The following RANBP2 variants were observed in gnomAD, a reference collection of about 807,000 sequenced individuals.
RANBP2 encodes the protein RAN binding protein 2.
Under a neutral mutation model 303.6 loss-of-function variants are expected in RANBP2, and 57 were observed. That is an observed-to-expected ratio of 0.19 (90% CI 0.15 to 0.23). RANBP2 has a LOEUF of 0.23. RANBP2 is among the 10% of genes least tolerant of loss of function. The pLI, the probability that RANBP2 is intolerant of heterozygous loss-of-function variation, is 1.00. For missense variants in RANBP2, 3,138 were observed against 3,780.8 expected, an observed-to-expected ratio of 0.83 and a Z score of 4.46; for synonymous variants, 1,167 against 1,301.5, an observed-to-expected ratio of 0.90 and a Z score of 2.23.
At chr2:109,060,456 C>G in the RANBP2 span, among the ~76,000 whole-genome samples, 1 of 152,206 alleles carries the variant, frequency 6.6e-6, no homozygotes. Context: ...TTTTACTAAA[C>G]TGGGGAGGGG....
At chr2:109,078,118 A>ATG in the RANBP2 span, among the ~76,000 whole-genome samples, 183 of 45,350 alleles carry the variant, frequency 4.0e-3, 7 homozygotes, top group Non-Finnish European at 5.2e-3. Flanking sequence ...ATATATATAT[A>ATG]GCGTGTATAT....
chr2:109,027,984 T>C, the RANBP2 span, among the ~76,000 whole-genome samples: 1 of 152,178 alleles, frequency 6.6e-6, no homozygotes, highest in Non-Finnish European at 1.5e-5. Flanking sequence ...TTTAAAAACA[T>C]ACTGGCAGGG....
At chr2:109,306,926 A>G in the RANBP2 span, among the ~76,000 whole-genome samples, 1,294 of 152,284 alleles carry the variant, frequency 8.5e-3, 15 homozygotes, top group African/African-American at 0.03. Flanking sequence ...GCCCGTGTGG[A>G]TGGCTGATGG....
chr2:108,812,749 T>C, the RANBP2 span: 1 of 1,610,426 alleles, frequency 6.2e-7, no homozygotes, highest in Middle Eastern at 1.7e-4. Context: ...AGTATGTTTT[T>C]AGATGATTAC....
the RANBP2 span, among the ~76,000 whole-genome samples, chr2:109,487,870 T>G: frequency 2.0e-5 from 3 of 152,194 alleles, no homozygotes; most frequent in African/African-American, 7.2e-5. Flanking sequence ...CTCAGCACCG[T>G]GCTAGGCGCT....
At chr2:109,087,467 A>G in the RANBP2 span, among the ~76,000 whole-genome samples, 5 of 152,030 alleles carry the variant, frequency 3.3e-5, no homozygotes, top group African/African-American at 1.2e-4. Context: ...CTTGTTCCTA[A>G]CTCTGAGCGC....
the RANBP2 span, among the ~76,000 whole-genome samples, chr2:109,593,394 TAGAG>T: frequency 2.7e-5 from 4 of 147,828 alleles, no homozygotes; most frequent in Non-Finnish European, 4.4e-5. Flanking sequence ...CATTTACAAG[TAGAG>T]AGAGAAAGAA....
chr2:109,662,547 A>ATTTTATAT, the RANBP2 span, among the ~76,000 whole-genome samples: 2 of 151,762 alleles, frequency 1.3e-5, no homozygotes, highest in Non-Finnish European at 2.9e-5. Context: ...GCCTGGCTAA[A>ATTTTATAT]TTTTATATTT....
the RANBP2 span, among the ~76,000 whole-genome samples, chr2:108,991,625 A>G: frequency 4.6e-5 from 7 of 152,354 alleles, no homozygotes; most frequent in South Asian, 1.0e-3. Context: ...GGGGCACAAC[A>G]GGCAGGCTGG....
chr2:109,693,958 A>G, the RANBP2 span, among the ~76,000 whole-genome samples: 10 of 152,294 alleles, frequency 6.6e-5, no homozygotes, highest in Non-Finnish European at 1.3e-4. Flanking sequence ...TTTAATTTGT[A>G]AAAAATGTAA....
chr2:109,724,848 G>T, the RANBP2 span, among the ~76,000 whole-genome samples: 1 of 152,150 alleles, frequency 6.6e-6, no homozygotes, highest in Non-Finnish European at 1.5e-5. Context: ...CCAAAAGTAG[G>T]GAGGGCACGG....
the RANBP2 span, among the ~76,000 whole-genome samples, chr2:109,512,024 A>G: frequency 1.1e-3 from 173 of 152,306 alleles, no homozygotes; most frequent in African/African-American, 3.4e-3. Flanking sequence ...GCTGAGTGCC[A>G]GACCCATCTC....
chr2:108,888,121 T>C, the RANBP2 span, among the ~76,000 whole-genome samples: 1 of 152,184 alleles, frequency 6.6e-6, no homozygotes, highest in Admixed American at 6.5e-5. Flanking sequence ...GTTGAGATGA[T>C]CATATGGTTT....
chr2:108,931,362 G>T, the RANBP2 span, among the ~76,000 whole-genome samples: 2 of 152,220 alleles, frequency 1.3e-5, no homozygotes, highest in Non-Finnish European at 2.9e-5. Flanking sequence ...TGAGCTTTAA[G>T]TCTGGAGTCC....
At chr2:109,693,055 T>C in the RANBP2 span, among the ~76,000 whole-genome samples, 1 of 152,118 alleles carries the variant, frequency 6.6e-6, no homozygotes, top group Non-Finnish European at 1.5e-5. Flanking sequence ...CACAGAGACC[T>C]TAAGACTGCT....
chr2:109,394,539 C>T, the RANBP2 span, among the ~76,000 whole-genome samples: 11 of 152,148 alleles, frequency 7.2e-5, no homozygotes, highest in South Asian at 1.5e-3. Context: ...ATAAAGTTAC[C>T]GAGATGTTTA....
the RANBP2 span, chr2:109,565,664 A>G: frequency 3.8e-6 from 4 of 1,050,960 alleles, no homozygotes; most frequent in Non-Finnish European, 5.9e-6. Context: ...CTGACAACCA[A>G]TCACATCCAA....
the RANBP2 span, among the ~76,000 whole-genome samples, chr2:109,437,431 C>T: frequency 6.6e-6 from 1 of 152,098 alleles, no homozygotes; most frequent in East Asian, 1.9e-4. Context: ...TGTTACCCAT[C>T]CTGGCAGCTG....
At chr2:108,791,901 T>G in the RANBP2 span, 8 of 1,213,792 alleles carry the variant, frequency 6.6e-6, no homozygotes, top group Non-Finnish European at 8.9e-6. Flanking sequence ...CCCAAGAGTT[T>G]GCATATTTCT....
Sources: allele counts gnomAD v4.1 joint callset (sites outside exome capture counted in the v4.1 genomes callset), GRCh38; gene constraint gnomAD v4.1.1; transcripts MANE v1.5; gene names NCBI Gene and HGNC (gene_info 2026-07-23, HGNC 2026-07-21).